The following MDGA2 variants were observed in gnomAD, a reference collection of about 807,000 sequenced individuals.
MDGA2 encodes the protein MAM domain-containing glycosylphosphatidylinositol anchor protein 2.
In MDGA2, 40 loss-of-function variants were observed where a neutral mutation model predicts 117.8. The ratio of observed to expected loss-of-function variants is 0.34; its 90% CI spans 0.26 to 0.44. MDGA2 has a LOEUF of 0.44. MDGA2 is among the 20% of genes least tolerant of loss of function. The probability of loss-of-function intolerance (pLI) is 1.00; values close to 1 mark genes in which losing one functional copy is unlikely to be tolerated. For missense variants in MDGA2, 1,123 were observed against 1,250.6 expected (o/e 0.90, Z 1.54); for synonymous variants, 452 against 439.0 (o/e 1.03, Z -0.37).
intron 1 of MDGA2, among the ~76,000 whole-genome samples, chr14:47,418,812 C>T (rs1272442920): frequency 6.6e-6 from 1 of 152,064 alleles, no homozygotes; most frequent in African/African-American, 2.4e-5. Flanking sequence ...TCTAAGGGAA[C>T]AAGAAGAACA....
chr14:47,658,119 C>G (rs1897779385), intron 1 of MDGA2, among the ~76,000 whole-genome samples: 1 of 152,082 alleles, frequency 6.6e-6, no homozygotes, highest in East Asian at 1.9e-4. Flanking sequence ...ACAGTTGTCA[C>G]CTGTTTATTT....
intron 8 of MDGA2, among the ~76,000 whole-genome samples, chr14:46,964,892 G>A (rs181981105): frequency 6.7e-6 from 1 of 148,596 alleles, no homozygotes; most frequent in African/African-American, 2.5e-5. Flanking sequence ...TATACCTAAT[G>A]GGAAAATATC....
intron 2 of MDGA2, among the ~76,000 whole-genome samples, chr14:47,280,115 G>T (rs186966812): frequency 6.6e-6 from 1 of 151,610 alleles, no homozygotes; most frequent in African/African-American, 2.4e-5. Flanking sequence ...GAGAATTCAA[G>T]ACTAGCCTGA....
At position 47,218,093 on chromosome 14, in the gene MDGA2, C is replaced by G. The variant is rs1278135423; in HGVS notation, c.523G>C (p.Gly175Arg). The change falls in exon 3 of 17, where the codon GGC becomes CGC. Residue 175 changes from glycine to arginine, a missense_variant. By Grantham distance (125) the Gly-to-Arg change is moderately radical (BLOSUM62 -2). Around this residue, in one of 2 missense-constraint regions of MDGA2, gnomAD observed 890 missense variants for 1,050.3 expected, o/e 0.85. Coordinates refer to ENST00000399232, the MANE Select transcript of MDGA2 (RefSeq NM_001113498.3). The part of the protein sequence containing the change: ...RITNIQRHQG[G>R]RYYCKAENGL... ...TTCTCTGCTTTACAGTAATACCGGC[C>G]TCCTTGGTGTCGCTGAATATTTGTA... 2 of 1,551,398 alleles carry G rather than the reference C, an allele frequency of 1.3e-6. No individual in the cohort carries two copies. Among genetic ancestry groups the G allele is most frequent in the East Asian group, 4.9e-5 (2 of 40,880 alleles).
chr14:46,955,207 T>C lies in MDGA2; in HGVS notation c.2089+2167A>G, dbSNP rs181046569. ...AACTATTTATGTCTACATATTAATA[T>C]ATAAGTAATATAGATAATACTTGGA... On this transcript the variant is annotated intron_variant, in intron 9 of 16. Coordinates refer to ENST00000399232, the MANE Select transcript of MDGA2 (RefSeq NM_001113498.3). Among the ~76,000 whole-genome samples, 5 of 152,118 alleles carry C rather than the reference T, an allele frequency of 3.3e-5. No individual in the cohort carries two copies. The East Asian group carries it at 9.7e-4, about 29-fold the overall frequency.
intron 14 of MDGA2, among the ~76,000 whole-genome samples, chr14:46,865,017 G>A (rs932896868): frequency 6.6e-6 from 1 of 151,750 alleles, no homozygotes; most frequent in Non-Finnish European, 1.5e-5. Flanking sequence ...TTAACTCCAA[G>A]GGAAAAAAAA....
At chr14:47,032,322 C>T (rs1198634846) in intron 8 of MDGA2, among the ~76,000 whole-genome samples, 1 of 152,010 alleles carries the variant, frequency 6.6e-6, no homozygotes, top group Non-Finnish European at 1.5e-5. Context: ...CATGGTGGCT[C>T]GTACCTGTAG....
At chr14:47,484,040 T>G (rs1316365434) in intron 1 of MDGA2, among the ~76,000 whole-genome samples, 1 of 152,182 alleles carries the variant, frequency 6.6e-6, no homozygotes, top group East Asian at 1.9e-4. Context: ...TCTAATTAAT[T>G]TAGTAAAACA....
chr14:47,262,689 A>C (rs1041002646), intron 2 of MDGA2, among the ~76,000 whole-genome samples: 8 of 152,190 alleles, frequency 5.3e-5, no homozygotes, highest in African/African-American at 1.7e-4. Context: ...GACCTTATTC[A>C]AATACAGAAC....
intron 1 of MDGA2, among the ~76,000 whole-genome samples, chr14:47,626,780 A>G (rs796358079): frequency 6.6e-6 from 1 of 152,166 alleles, no homozygotes; most frequent in Non-Finnish European, 1.5e-5. Flanking sequence ...GCAGCCCGCC[A>G]TGCCTGAGCA....
chr14:47,256,343 CT>C (rs1887619136), intron 2 of MDGA2, among the ~76,000 whole-genome samples: 1 of 152,086 alleles, frequency 6.6e-6, no homozygotes, highest in Non-Finnish European at 1.5e-5. Context: ...CCCTAAATGT[CT>C]TTCCGTCACT....
chr14:46,945,529 AG>A (rs1885142333), intron 9 of MDGA2, among the ~76,000 whole-genome samples: 1 of 152,064 alleles, frequency 6.6e-6, no homozygotes, highest in African/African-American at 2.4e-5. Context: ...TCTGATCCTT[AG>A]GTAAGGATCC....
At chr14:47,502,685 G>T (rs1302283012) in intron 1 of MDGA2, among the ~76,000 whole-genome samples, 1 of 151,568 alleles carries the variant, frequency 6.6e-6, no homozygotes, top group African/African-American at 2.4e-5. Context: ...ATTTTTTTGG[G>T]GGGGACAGAG....
At chr14:47,530,599 T>G (rs1883358619) in intron 1 of MDGA2, among the ~76,000 whole-genome samples, 1 of 151,978 alleles carries the variant, frequency 6.6e-6, no homozygotes, top group South Asian at 2.1e-4. Flanking sequence ...TCACTAAACT[T>G]AATAATAAAT....
chr14:47,022,131 C>T (rs1176694857), intron 8 of MDGA2, among the ~76,000 whole-genome samples: 1 of 152,086 alleles, frequency 6.6e-6, no homozygotes, highest in Non-Finnish European at 1.5e-5. Flanking sequence ...ATCTCCCAGA[C>T]TGGAGTGCAG....
At chr14:47,497,599 G>A (rs1349983034) in intron 1 of MDGA2, among the ~76,000 whole-genome samples, 1 of 152,114 alleles carries the variant, frequency 6.6e-6, no homozygotes, top group Non-Finnish European at 1.5e-5. Flanking sequence ...TAATAGACTC[G>A]TTAAACATTA....
chr14:47,448,107 CT>C (rs1317870612), intron 1 of MDGA2, among the ~76,000 whole-genome samples: 2 of 150,100 alleles, frequency 1.3e-5, no homozygotes, highest in African/African-American at 4.9e-5. Context: ...AAAGATGAAG[CT>C]TTATTTGAGG....
rs115446755 is a variant in MDGA2 at position 47,286,684 on chromosome 14, G to A, written c.420+14727C>T. 4.3e-3 allele frequency among the ~76,000 whole-genome samples: 659 copies of A among 151,608 alleles called. 3 individuals carry two copies. The highest frequency in any genetic ancestry group is 0.015 in the African/African-American group (630 of 41,290). The stretch of plus-strand genomic sequence containing the variant: ...TATCTTGGCTATTGTGAATGGTGCT[G>A]CAATAGATCCCATATATTTTACCCT... On this transcript the variant is annotated intron_variant, in intron 2 of 16. Coordinates refer to ENST00000399232, the MANE Select transcript of MDGA2 (RefSeq NM_001113498.3).
intron 8 of MDGA2, among the ~76,000 whole-genome samples, chr14:47,021,109 T>A (rs2138583927): frequency 6.6e-6 from 1 of 152,242 alleles, no homozygotes; most frequent in East Asian, 1.9e-4. Flanking sequence ...TTTAAGTCAA[T>A]TTATCAAGCA....
Sources: gnomAD v4.1 joint callset for allele counts (sites outside exome capture counted in the v4.1 genomes callset) on GRCh38, gnomAD v4.1.1 for gene constraint, gnomAD v4.1.1 regional missense constraint, MANE v1.5 for transcripts, NCBI Gene and HGNC (gene_info 2026-07-23, HGNC 2026-07-21) for gene names.